Variants in ROCK2 observed in about 807,000 individuals in gnomAD.
The protein encoded by ROCK2 is rho-associated protein kinase 2.
ROCK2 carries 61 observed loss-of-function variants against 195.1 expected under a neutral mutation model. The ratio of observed to expected loss-of-function variants is 0.31; its 90% confidence interval spans 0.25 to 0.39. The LOEUF (loss-of-function observed/expected upper bound fraction) is 0.39. Among genes scored for constraint, ROCK2 ranks in the 10% least tolerant of loss-of-function variants. The probability of loss-of-function intolerance (pLI) is 1.00; values close to 1 mark genes in which losing one functional copy is unlikely to be tolerated. For synonymous variants in ROCK2, 504 were observed against 545.5 expected (o/e 0.92, Z 1.06); for missense variants, 1,109 against 1,637.4 (o/e 0.68, Z 5.57).
At chr2:11,302,981 A>C (rs1162427064) in intron 1 of ROCK2, among the ~76,000 whole-genome samples, 1 of 152,032 alleles carries the variant, frequency 6.6e-6, no homozygotes, top group Non-Finnish European at 1.5e-5. Context: ...TACTTCCATC[A>C]CTTTCCTCAC....
rs917103245 is a variant in ROCK2 at position 11,183,304 on chromosome 2, T to G, written c.*133A>C. 1.7e-6 allele frequency: 1 copy of G among 605,188 alleles called. No homozygotes were observed. The allele number at this position is 605,188 out of a possible 1,614,324, so 37.5% of individuals were successfully genotyped here. On this transcript the variant is annotated 3_prime_UTR_variant, in exon 33 of 33. Transcript: ENST00000315872. Reference sequence around the variant, plus strand: ...ATTACAGGGAAAAGGGGAACACATATATGTATGAGTGTATGTATCAGTCTC... The same window carrying G: ...ATTACAGGGAAAAGGGGAACACATAGATGTATGAGTGTATGTATCAGTCTC...
intron 1 of ROCK2, among the ~76,000 whole-genome samples, chr2:11,311,909 C>T (rs188227884): frequency 3.3e-5 from 5 of 152,292 alleles, no homozygotes; most frequent in Non-Finnish European, 4.4e-5. Flanking sequence ...TCTAGAAAGG[C>T]TATTACTATC....
At chr2:11,227,754 G>A (rs1292068832) in intron 5 of ROCK2, among the ~76,000 whole-genome samples, 1 of 152,102 alleles carries the variant, frequency 6.6e-6, no homozygotes, top group Non-Finnish European at 1.5e-5. Flanking sequence ...TAAGGACACT[G>A]ACCCAGGAAA....
chr2:11,183,814 A>G (rs1002444449), intron 32 of ROCK2, among the ~76,000 whole-genome samples: 1 of 152,146 alleles, frequency 6.6e-6, no homozygotes, highest in Admixed American at 6.5e-5. Flanking sequence ...GGGCCTATTG[A>G]TCAGGTTCTA....
In ROCK2 at chr2:11,201,723, T is replaced by C. The variant is rs1663858808; in HGVS notation, c.2620-310A>G. ...ATTAACAATTTAGACAAAAAAATGTTATTGGCTTAAATCAATAAAACAGGA... is the reference window on the plus strand; with the variant it reads ...ATTAACAATTTAGACAAAAAAATGTCATTGGCTTAAATCAATAAAACAGGA... On this transcript the variant is annotated intron_variant, in intron 21 of 32. Coordinates refer to ENST00000315872, the MANE Select transcript of ROCK2 (RefSeq NM_004850.5). This position sits in a 1 kb window ranked among gnomAD's most constrained non-coding sequence, Gnocchi z 4.6. 6.6e-6 allele frequency among the ~76,000 whole-genome samples: 1 copy of C among 152,202 alleles called. No individual in the cohort carries two copies. The highest frequency in any genetic ancestry group is 6.5e-5 in the Admixed American group (1 of 15,280).
At chr2:11,266,171 C>T (rs573308471) in intron 3 of ROCK2, among the ~76,000 whole-genome samples, 82 of 152,308 alleles carry the variant, frequency 5.4e-4, no homozygotes, top group African/African-American at 2.0e-3. Flanking sequence ...GGTAACAATG[C>T]CTTCTCCTGG....
intron 1 of ROCK2, among the ~76,000 whole-genome samples, chr2:11,312,349 AT>A (rs1243034907): frequency 2.0e-5 from 3 of 152,136 alleles, no homozygotes; most frequent in Non-Finnish European, 4.4e-5. Context: ...ATATGTATAC[AT>A]CCATAAAATC....
chr2:11,211,665 T>C lies in ROCK2; in HGVS notation c.2203+16A>G, dbSNP rs1262090595. On this transcript the variant is annotated intron_variant, in intron 18 of 32. Transcript: ENST00000315872. ...AGGAAGACGCTGCTGGAAAACCCTC[T>C]TTAAAAAATGCATACCTTTCATGGC... is the stretch of plus-strand genomic sequence containing the variant. The C allele has an allele frequency of 1.9e-6, 3 of 1,568,860 alleles. No individual in the cohort carries two copies. The highest frequency in any genetic ancestry group is 2.6e-6 in the Non-Finnish European group (3 of 1,157,372).
intron 1 of ROCK2, among the ~76,000 whole-genome samples, chr2:11,313,464 T>A (rs192172785): frequency 6.4e-4 from 97 of 152,214 alleles, no homozygotes; most frequent in African/African-American, 2.3e-3. Context: ...TATTTTTAAA[T>A]CCTGAGCATT....
chr2:11,188,729 T>C (rs1663300709), intron 32 of ROCK2, among the ~76,000 whole-genome samples: 1 of 148,812 alleles, frequency 6.7e-6, no homozygotes, highest in Admixed American at 6.7e-5. Context: ...GTTCACGCCA[T>C]TCTCCTGCCT....
chr2:11,293,178 A>G (rs565582222), intron 1 of ROCK2, among the ~76,000 whole-genome samples: 2 of 152,300 alleles, frequency 1.3e-5, no homozygotes, highest in African/African-American at 4.8e-5. Flanking sequence ...AAGTTAAGAA[A>G]CCTGGGTTAC....
At chr2:11,303,974 T>C (rs1667780922) in intron 1 of ROCK2, among the ~76,000 whole-genome samples, 1 of 152,210 alleles carries the variant, frequency 6.6e-6, no homozygotes. Flanking sequence ...GAAAACTTTT[T>C]CTACTTTGCT....
intron 1 of ROCK2, among the ~76,000 whole-genome samples, chr2:11,290,033 CTT>C (rs777427900): frequency 2.6e-5 from 4 of 152,168 alleles, no homozygotes; most frequent in Non-Finnish European, 5.9e-5. Flanking sequence ...CATTTATAAA[CTT>C]ACATTCTTAC....
chr2:11,242,615 C>T (rs1315121951), intron 4 of ROCK2, among the ~76,000 whole-genome samples: 1 of 152,124 alleles, frequency 6.6e-6, no homozygotes, highest in East Asian at 1.9e-4. Flanking sequence ...AACTAAAATA[C>T]ACAGCATCCC....
Position 11,215,120 on chromosome 2 carries a change from C to A in ROCK2, c.1690-34G>T, listed in dbSNP as rs770903148. 3.1e-6 allele frequency: 5 copies of A among 1,611,066 alleles called. No individual in the cohort carries two copies. The African/African-American group carries it at 6.7e-5, about 22-fold the overall frequency. On this transcript the variant is annotated intron_variant, in intron 15 of 32. Transcript: ENST00000315872. ...CCATTCAAAACCAAACAACAACAAA[C>A]AAACACACATGTATGTAATGAAAAT...
intron 1 of ROCK2, among the ~76,000 whole-genome samples, chr2:11,311,495 G>C (rs1268381154): frequency 1.3e-5 from 2 of 152,050 alleles, no homozygotes; most frequent in Non-Finnish European, 2.9e-5. Context: ...GTCTACTAAA[G>C]GGCTATATCC....
chr2:11,308,571 G>A, intron 1 of ROCK2: 3 of 1,507,066 alleles, frequency 2.0e-6, no homozygotes, highest in Middle Eastern at 3.4e-4. Flanking sequence ...GCTGGGCAGT[G>A]CATCAATCCC....
At position 11,214,411 on chromosome 2, in the gene ROCK2, C is replaced by A; in HGVS notation, c.1989G>T (p.Ala663=). The part of the protein sequence containing the change: ...EDLKNGKILL[A]KVELEKRQLQ... The stretch of plus-strand genomic sequence containing the variant: ...GTTGTCTCTTCTCCAGTTCTACTTT[C>A]GCTAGTAAGATTTTGCCGTTCTTTA... The change falls in exon 17 of 33, where the codon GCG becomes GCT. Residue 663 remains alanine (A), a synonymous_variant. Coordinates refer to ENST00000315872, the MANE Select transcript of ROCK2 (RefSeq NM_004850.5). 6.2e-7 allele frequency: 1 copy of A among 1,611,058 alleles called. No homozygotes were observed. Among genetic ancestry groups the A allele is most frequent in the Non-Finnish European group, 8.5e-7 (1 of 1,177,844 alleles).
intron 1 of ROCK2, among the ~76,000 whole-genome samples, chr2:11,343,303 C>T (rs1231788083): frequency 6.6e-6 from 1 of 152,178 alleles, no homozygotes; most frequent in Non-Finnish European, 1.5e-5. Context: ...CAATTAGCAG[C>T]CTTTACGGTG....
Sources: gnomAD v4.1 joint callset for allele counts (sites outside exome capture counted in the v4.1 genomes callset) on GRCh38, gnomAD v4.1.1 for gene constraint, Gnocchi (gnomAD v3.1) non-coding constraint, MANE v1.5 for transcripts, NCBI Gene and HGNC (gene_info 2026-07-23, HGNC 2026-07-21) for gene names.